Variants in ZNF207 observed in about 807,000 individuals in gnomAD.
ZNF207 encodes the protein BUB3-interacting and GLEBS motif-containing protein ZNF207.
ZNF207 carries 24 observed loss-of-function variants against 60.2 expected under a neutral mutation model. The ratio of observed to expected loss-of-function variants is 0.40; its 90% confidence interval spans 0.29 to 0.56. The LOEUF is 0.56. Among genes scored for constraint, ZNF207 ranks in the 20% least tolerant of loss-of-function variants. The probability of loss-of-function intolerance (pLI) is 0.49; values close to 1 mark genes in which losing one functional copy is unlikely to be tolerated. For synonymous variants in ZNF207, 236 were observed against 194.7 expected (o/e 1.21, Z -1.77); for missense variants, 452 against 636.6 (o/e 0.71, Z 3.12).
chr17:32,369,515 T>TA, intron 11 of ZNF207, 61 bp downstream of exon 11: 1 of 1,602,480 alleles, frequency 6.2e-7, no homozygotes, highest in Non-Finnish European at 8.5e-7. Flanking sequence ...CATAAAATAT[T>TA]AAATTTATCT....
At chr17:32,358,728 G>T (rs1251315652) in intron 3 of ZNF207, 87 bp downstream of exon 3, 7 of 1,076,146 alleles carry the variant, frequency 6.5e-6, no homozygotes, top group Non-Finnish European at 8.4e-6. Flanking sequence ...GTCCAGCCGA[G>T]GCTGGAGTAC....
At position 32,366,617 on chromosome 17, in the gene ZNF207, C is replaced by T. The variant is rs371206596; in HGVS notation, c.829-48C>T. On this transcript the variant is annotated intron_variant, in intron 8 of 11. Transcript: ENST00000394670. The stretch of plus-strand genomic sequence containing the variant: ...AAGTCTACCACATGGCTTATTTTGA[C>T]CCATTTGTTTGGAGACTTTTCATTG... The T allele has an allele frequency of 4.6e-6, 7 of 1,519,292 alleles. No homozygotes were observed. In the African/African-American group the frequency reaches 7.0e-5, roughly 15 times the overall value. The allele number at this position is 1,519,292 out of a possible 1,614,324, so 94.1% of individuals were successfully genotyped here. A position where few individuals can be genotyped will look rare whatever the true frequency, so the allele number is the denominator to read the frequency against.
intron 7 of ZNF207, 81 bp downstream of exon 7, chr17:32,363,065 T>A: frequency 7.7e-7 from 1 of 1,296,730 alleles, no homozygotes; most frequent in Non-Finnish European, 1.1e-6. Flanking sequence ...GGCATTAGTA[T>A]AATGAAATTT....
intron 2 of ZNF207, among the ~76,000 whole-genome samples, chr17:32,358,049 GGATTACA>G (rs1904653646): frequency 6.6e-6 from 1 of 152,178 alleles, no homozygotes; most frequent in Non-Finnish European, 1.5e-5. Context: ...CCAAGTGCTG[GGATTACA>G]GATGTGAGCC....
In ZNF207 at chr17:32,371,752, A is replaced by T. The variant is rs534324683; in HGVS notation, c.*1993A>T. ...GTCAAAAAATAAATTAAAATATCTG[A>T]TTATCTGGCTTCAATGATTTTGGCT... On this transcript the variant is annotated 3_prime_UTR_variant, in exon 12 of 12. Coordinates refer to ENST00000394670, the MANE Select transcript of ZNF207 (RefSeq NM_001098507.2). 1.3e-5 allele frequency: 2 copies of T among 152,270 alleles called. No individual in the cohort carries two copies. The highest frequency in any genetic ancestry group is 3.9e-4 in the East Asian group (2 of 5,186). 9.4% of individuals were successfully genotyped at this position (152,270 alleles called of 1,614,324 possible).
At chr17:32,351,991 G>T in intron 2 of ZNF207, 79 bp downstream of exon 2, 1 of 1,407,994 alleles carries the variant, frequency 7.1e-7, no homozygotes, top group South Asian at 1.6e-5. Context: ...TTATTTTTTT[G>T]AGTTTCGGTC....
chr17:32,359,965 T>G (rs1468962513), intron 3 of ZNF207, among the ~76,000 whole-genome samples: 2 of 152,166 alleles, frequency 1.3e-5, no homozygotes, highest in East Asian at 3.8e-4. Context: ...AATTTAAAAT[T>G]TGAGCTCTGT....
chr17:32,366,655 T>C lies in ZNF207; in HGVS notation c.829-10T>C, dbSNP rs1160868749. On this transcript the variant is annotated splice_polypyrimidine_tract_variant and intron_variant, in intron 8 of 11. Transcript: ENST00000394670. ...AGACTTTTCATTGTTTCCTTTCTTT[T>C]ATGCTACAGATGGGGACACCTGTCA... is the stretch of plus-strand genomic sequence containing the variant. The C allele has an allele frequency of 3.8e-6, 6 of 1,590,442 alleles. No homozygotes were observed. The highest frequency in any genetic ancestry group is 4.3e-6 in the Non-Finnish European group (5 of 1,172,260).
At chr17:32,360,187 A>AC (rs1904784072) in intron 3 of ZNF207, among the ~76,000 whole-genome samples, 1 of 26,126 alleles carries the variant, frequency 3.8e-5, no homozygotes, top group South Asian at 9.2e-4. Flanking sequence ...CCCCCCCCCC[A>AC]AAAAAAAAAA....
At chr17:32,357,226 A>T (rs920871323) in intron 2 of ZNF207, among the ~76,000 whole-genome samples, 1 of 151,442 alleles carries the variant, frequency 6.6e-6, no homozygotes, top group Non-Finnish European at 1.5e-5. Flanking sequence ...CATTAGTTAC[A>T]AGTGATACTG....
chr17:32,354,351 A>T lies in ZNF207; in HGVS notation c.168+2439A>T, dbSNP rs562801718. ...GCTCTGTCAGTTTTTTTTTTGTTTT[A>T]TTTTGAAACGGAGTTTTGCTCTGTC... On this transcript the variant is annotated intron_variant, in intron 2 of 11. Transcript: ENST00000394670. Among the ~76,000 whole-genome samples the T allele has an allele frequency of 4.6e-3, 700 of 150,714 alleles. 5 individuals carry two copies. The highest frequency in any genetic ancestry group is 0.016 in the African/African-American group (638 of 41,046).
chr17:32,354,582 T>G (rs916244958), intron 2 of ZNF207, among the ~76,000 whole-genome samples: 4 of 152,002 alleles, frequency 2.6e-5, no homozygotes, highest in Non-Finnish European at 5.9e-5. Context: ...AGTGCTGGGA[T>G]TACAGGCATA....
intron 2 of ZNF207, among the ~76,000 whole-genome samples, chr17:32,354,068 C>T (rs1309851321): frequency 1.3e-5 from 2 of 152,190 alleles, no homozygotes; most frequent in East Asian, 3.9e-4. Flanking sequence ...TTTGAACTCC[C>T]TTACTCAAAT....
chr17:32,358,675 T>A, intron 3 of ZNF207, 34 bp downstream of exon 3: 1 of 1,375,170 alleles, frequency 7.3e-7, no homozygotes, highest in Non-Finnish European at 9.4e-7. Flanking sequence ...TTTATTTATT[T>A]ATTTTTTTTA....
chr17:32,370,916 A>G lies in ZNF207; in HGVS notation c.*1157A>G, dbSNP rs941889430. 6.6e-6 allele frequency: 1 copy of G among 152,182 alleles called. No homozygotes were observed. Among genetic ancestry groups the G allele is most frequent in the South Asian group, 2.1e-4 (1 of 4,826 alleles). The allele number at this position is 152,182 out of a possible 1,614,324, so 9.4% of individuals were successfully genotyped here. A position where few individuals can be genotyped will look rare whatever the true frequency, so the allele number is the denominator to read the frequency against. ...GGGATGGTTAACAGATGAATTGGCA[A>G]TTTTTATTATGTTCCTGGAAGATTA... On this transcript the variant is annotated 3_prime_UTR_variant, in exon 12 of 12. Coordinates refer to ENST00000394670, the MANE Select transcript of ZNF207 (RefSeq NM_001098507.2).
In ZNF207 at chr17:32,369,935, A is replaced by G; in HGVS notation, c.*176A>G. ...CATGGGAAAAATTATTTGGAATAAT[A>G]AAGCAGGAACTTTTCCTGAAGTTGC... On this transcript the variant is annotated 3_prime_UTR_variant, in exon 12 of 12. Transcript: ENST00000394670. 1.4e-6 allele frequency: 1 copy of G among 737,178 alleles called. No individual in the cohort carries two copies. Among genetic ancestry groups the G allele is most frequent in the Non-Finnish European group, 1.9e-6 (1 of 533,812 alleles). The allele number at this position is 737,178 out of a possible 1,614,324, so 45.7% of individuals were successfully genotyped here.
chr17:32,358,686 A>T (rs935594465), intron 3 of ZNF207, 45 bp downstream of exon 3: 24 of 1,038,516 alleles, frequency 2.3e-5, no homozygotes, highest in East Asian at 3.9e-5. Flanking sequence ...ATTTTTTTTA[A>T]TTTTTTTTTT....
chr17:32,358,509 A>T lies in ZNF207; in HGVS notation c.175A>T (p.Lys59Ter). 6.4e-7 allele frequency: 1 copy of T among 1,552,402 alleles called. No individual in the cohort carries two copies. Among genetic ancestry groups the T allele is most frequent in the Non-Finnish European group, 8.6e-7 (1 of 1,159,530 alleles). Residue 59 changes from lysine to a stop codon, truncating the protein, a stop_gained, in exon 3 of 12, where the codon AAA (lysine) becomes TAA (stop). Coordinates refer to ENST00000394670, the MANE Select transcript of ZNF207 (RefSeq NM_001098507.2). LOFTEE classifies it high-confidence loss of function. The stretch of plus-strand genomic sequence containing the variant: ...TGGAAATTGTTGTTGTTAGGTACAT[A>T]AAGAAACAATAGATGCCGTACCAAA... ...GLAIHCMQVH[K>*]ETIDAVPNAI...
At chr17:32,356,754 G>A (rs1904530430) in intron 2 of ZNF207, among the ~76,000 whole-genome samples, 1 of 152,174 alleles carries the variant, frequency 6.6e-6, no homozygotes, top group Non-Finnish European at 1.5e-5. Context: ...ATGGCTTGCT[G>A]AAGAAACCAA....
Sources: allele counts gnomAD v4.1 joint callset (sites outside exome capture counted in the v4.1 genomes callset), GRCh38; gene constraint gnomAD v4.1.1; transcripts MANE v1.5; gene names NCBI Gene and HGNC (gene_info 2026-07-23, HGNC 2026-07-21).